MGAT5B: variants seen among roughly 807,000 people sequenced by gnomAD.
MGAT5B encodes alpha-1,6-mannosylglycoprotein 6-beta-N-acetylglucosaminyltransferase B.
A neutral mutation model predicts 95.1 loss-of-function variants in MGAT5B; 54 were observed. The observed-to-expected ratio is 0.57, with a 90% confidence interval of 0.46 to 0.71. The LOEUF (loss-of-function observed/expected upper bound fraction) is 0.71, where lower values mean the gene tolerates loss of function less well. Among genes scored for constraint, MGAT5B ranks in the 30% least tolerant of loss-of-function variants. MGAT5B has a pLI of 0.00. For synonymous variants in MGAT5B, 464 were observed against 451.0 expected, an observed-to-expected ratio of 1.03 and a Z score of -0.36; for missense variants, 935 against 1,088.6, an observed-to-expected ratio of 0.86 and a Z score of 1.99.
intron 9 of MGAT5B, among the ~76,000 whole-genome samples, chr17:76,925,302 C>G (rs571298170): frequency 3.3e-5 from 4 of 120,236 alleles, no homozygotes; most frequent in African/African-American, 1.4e-4. Context: ...ATTTAATAAA[C>G]CACCCAGGGA....
chr17:76,937,323 G>A (rs1163692482), intron 12 of MGAT5B, among the ~76,000 whole-genome samples: 3 of 152,176 alleles, frequency 2.0e-5, no homozygotes, highest in Non-Finnish European at 4.4e-5. Flanking sequence ...TAAGATGGAT[G>A]AATGAGAGGA....
At chr17:76,908,591 A>C (rs1968619219) in intron 8 of MGAT5B, among the ~76,000 whole-genome samples, 1 of 151,588 alleles carries the variant, frequency 6.6e-6, no homozygotes, top group Non-Finnish European at 1.5e-5. Context: ...CATTGACTTA[A>C]AAATGTTTCT....
chr17:76,879,004 C>A (rs920111488), intron 2 of MGAT5B, among the ~76,000 whole-genome samples: 1 of 152,110 alleles, frequency 6.6e-6, no homozygotes. Flanking sequence ...TCTGCCCCAT[C>A]CCCCTTGACT....
chr17:76,886,095 C>A (rs371414004), intron 3 of MGAT5B, among the ~76,000 whole-genome samples: 1 of 152,300 alleles, frequency 6.6e-6, no homozygotes, highest in South Asian at 2.1e-4. Context: ...AGATTTGCTT[C>A]AAATGGCATC....
chr17:76,895,303 G>A (rs1293797935), intron 3 of MGAT5B, among the ~76,000 whole-genome samples: 1 of 151,782 alleles, frequency 6.6e-6, no homozygotes, highest in Non-Finnish European at 1.5e-5. Context: ...GATTCTACGT[G>A]GTGGTGAGTT....
rs754504948 is a variant in MGAT5B, at chr17:76,906,157, G to A, written c.995G>A (p.Arg332Gln). Residue 332 changes from arginine to glutamine, a missense_variant, in exon 8 of 18, where the codon CGG (arginine) becomes CAG (glutamine). Physicochemically the swap from Arg to Gln is conservative, Grantham distance 43. Coordinates refer to ENST00000569840, the MANE Select transcript of MGAT5B (RefSeq NM_001199172.2). The surrounding 1 kb of genome is among the most constrained non-coding windows in gnomAD (Gnocchi z 4.6). Reference sequence around the variant, plus strand: ...CTCTATGTCCTGGGCCATGGCCTGCGGGTCACAGTCTCCCTGAAGGAGCTG... The same window carrying A: ...CTCTATGTCCTGGGCCATGGCCTGCAGGTCACAGTCTCCCTGAAGGAGCTG... ...TALYVLGHGLRVTVSLKELQS... is the reference protein window; with the variant it reads ...TALYVLGHGLQVTVSLKELQS... The A allele has an allele frequency of 5.0e-6, 8 of 1,605,988 alleles. No homozygotes were observed. Among genetic ancestry groups the A allele is most frequent in the Admixed American group, 3.4e-5 (2 of 58,922 alleles).
intron 1 of MGAT5B, among the ~76,000 whole-genome samples, chr17:76,871,055 G>A (rs1243975794): frequency 6.6e-6 from 1 of 152,090 alleles, no homozygotes; most frequent in Non-Finnish European, 1.5e-5. Flanking sequence ...CTCATAGCAG[G>A]GTTGTTGGAT....
chr17:76,925,005 C>A lies in MGAT5B; in HGVS notation c.1065C>A (p.Leu355=). ...CGCCAGGCCGGGGAAGCTGCCCGCT[C>A]ACCATGCCCCTGCCCTTCGACCTCA... is the stretch of plus-strand genomic sequence containing the variant. The part of the protein sequence containing the change: ...GVPPGRGSCP[L]TMPLPFDLIY... Residue 355 remains leucine (L), a synonymous_variant, in exon 9 of 18, where the codon CTC becomes CTA. Transcript: ENST00000569840. The A allele has an allele frequency of 6.2e-7, 1 of 1,605,286 alleles. No individual in the cohort carries two copies. The highest frequency in any genetic ancestry group is 8.5e-7 in the Non-Finnish European group (1 of 1,176,200).
chr17:76,897,699 TTC>T lies in MGAT5B; in HGVS notation c.330-4854_330-4853del, dbSNP rs1968125610. ...TTTCTTTCTTTCTTTCTTTCTTTCT[TTC>T]TTTCTTTCTTTCTTTCTTTCTTTCT... On this transcript the variant is annotated intron_variant, in intron 3 of 17. Coordinates refer to ENST00000569840, the MANE Select transcript of MGAT5B (RefSeq NM_001199172.2). 2.1e-4 allele frequency among the ~76,000 whole-genome samples: 24 copies of T among 113,668 alleles called. 1 individual carries two copies. The highest frequency in any genetic ancestry group is 9.5e-4 in the African/African-American group (21 of 22,190). 74.6% of individuals were successfully genotyped at this position (113,668 alleles called of 152,430 possible). A position where few individuals can be genotyped will look rare whatever the true frequency, so the allele number is the denominator to read the frequency against.
At chr17:76,944,849 C>T (rs1397251435) in intron 15 of MGAT5B, among the ~76,000 whole-genome samples, 1 of 152,230 alleles carries the variant, frequency 6.6e-6, no homozygotes, top group Non-Finnish European at 1.5e-5. Flanking sequence ...GTTGGACTTT[C>T]TAGCACCACC....
intron 1 of MGAT5B, among the ~76,000 whole-genome samples, chr17:76,872,064 C>T (rs534462232): frequency 6.3e-4 from 96 of 152,256 alleles, no homozygotes; most frequent in African/African-American, 2.2e-3. Context: ...ACCAGCCCTC[C>T]CTCCCACCCA....
At chr17:76,877,267 G>A (rs1245044024) in intron 2 of MGAT5B, among the ~76,000 whole-genome samples, 1 of 150,446 alleles carries the variant, frequency 6.6e-6, no homozygotes, top group Non-Finnish European at 1.5e-5. Context: ...GGAGGTTGCA[G>A]TGAACTGAGA....
At position 76,916,158 on chromosome 17, in the gene MGAT5B, C is replaced by T. The variant is rs981930201; in HGVS notation, c.1026-8808C>T. Among the ~76,000 whole-genome samples the T allele has an allele frequency of 6.8e-6, 1 of 147,232 alleles. No homozygotes were observed. The highest frequency in any genetic ancestry group is 1.5e-5 in the Non-Finnish European group (1 of 67,472). ...CCCTTCCTTGCAAGGCCTCGTCTCC[C>T]CTTATGCTCCACATAGCTGCACTGC... On this transcript the variant is annotated intron_variant, in intron 8 of 17. Coordinates refer to ENST00000569840, the MANE Select transcript of MGAT5B (RefSeq NM_001199172.2). This position sits in a 1 kb window ranked among gnomAD's most constrained non-coding sequence, Gnocchi z 5.3.
intron 2 of MGAT5B, among the ~76,000 whole-genome samples, chr17:76,877,844 G>A (rs761394776): frequency 1.3e-5 from 2 of 152,158 alleles, no homozygotes; most frequent in Non-Finnish European, 2.9e-5. Flanking sequence ...GGGGACGAAG[G>A]AGGATGAGAG....
intron 12 of MGAT5B, among the ~76,000 whole-genome samples, chr17:76,936,263 C>A (rs1002800983): frequency 5.3e-5 from 8 of 152,206 alleles, no homozygotes; most frequent in Admixed American, 2.0e-4. Flanking sequence ...AAAAGATTAG[C>A]CACGTGTGGT....
intron 3 of MGAT5B, among the ~76,000 whole-genome samples, chr17:76,896,256 T>C (rs1364475197): frequency 6.6e-6 from 1 of 152,242 alleles, no homozygotes; most frequent in East Asian, 1.9e-4. Flanking sequence ...TTGTATATGA[T>C]TTGAAAATAG....
Position 76,869,159 on chromosome 17 carries a change from C to G in MGAT5B, c.68+62C>G. ...GGCGCCGGGTGGAGGTGGGCGAGGT[C>G]GGTTCCTGCGAACGTTCAAGTCCTG... On this transcript the variant is annotated intron_variant, in intron 1 of 17. Coordinates refer to ENST00000569840, the MANE Select transcript of MGAT5B (RefSeq NM_001199172.2). The surrounding 1 kb of genome is among the most constrained non-coding windows in gnomAD (Gnocchi z 7.0). The G allele has an allele frequency of 6.9e-7, 1 of 1,446,068 alleles. No homozygotes were observed. The allele number at this position is 1,446,068 out of a possible 1,614,324, so 89.6% of individuals were successfully genotyped here.
intron 2 of MGAT5B, among the ~76,000 whole-genome samples, chr17:76,873,865 GT>G (rs2145114345): frequency 1.3e-5 from 2 of 152,356 alleles, no homozygotes; most frequent in East Asian, 3.9e-4. Context: ...CTCTGGGGAA[GT>G]CTCTCCTTGA....
At chr17:76,936,989 G>A (rs1969695291) in intron 12 of MGAT5B, among the ~76,000 whole-genome samples, 1 of 147,152 alleles carries the variant, frequency 6.8e-6, no homozygotes, top group Non-Finnish European at 1.5e-5. Flanking sequence ...CTGGGAGTTT[G>A]ATTGGGATTT....
Sources: allele counts gnomAD v4.1 joint callset (sites outside exome capture counted in the v4.1 genomes callset), GRCh38; gene constraint gnomAD v4.1.1; non-coding constraint Gnocchi (gnomAD v3.1); transcripts MANE v1.5; gene names NCBI Gene and HGNC (gene_info 2026-07-23, HGNC 2026-07-21).